The following BCAS4 variants were observed in gnomAD, a reference collection of about 807,000 sequenced individuals.
BCAS4 encodes breast carcinoma-amplified sequence 4.
Under a neutral mutation model 15.7 loss-of-function variants are expected in BCAS4, and 9 were observed. The observed-to-expected ratio is 0.57, with a 90% CI of 0.34 to 1.00. The LOEUF (loss-of-function observed/expected upper bound fraction) is 1.00. BCAS4 is among the 50% of genes least tolerant of loss of function. BCAS4 has a pLI of 0.02. For missense variants in BCAS4, 225 were observed against 239.1 expected (o/e 0.94, Z 0.39); for synonymous variants, 101 against 99.5 (o/e 1.02, Z -0.09).
intron 3 of BCAS4, among the ~76,000 whole-genome samples, chr20:50,834,420 C>G (rs1398354368): frequency 6.6e-6 from 1 of 151,184 alleles, no homozygotes; most frequent in Non-Finnish European, 1.5e-5. Context: ...CTCAGCCTCC[C>G]GAGTAGCTGG....
At chr20:50,872,239 G>A (rs1014268529) in intron 4 of BCAS4, among the ~76,000 whole-genome samples, 1 of 134,212 alleles carries the variant, frequency 7.5e-6, no homozygotes, top group Admixed American at 8.2e-5. Flanking sequence ...ATTCCAGCCT[G>A]GGCAACAGAG....
rs906686348 is a variant in BCAS4, at chr20:50,836,081, C to G, written c.265-5685C>G. Among the ~76,000 whole-genome samples the G allele has an allele frequency of 3.3e-5, 5 of 152,208 alleles. No homozygotes were observed. The East Asian group carries it at 7.7e-4, about 24-fold the overall frequency. ...TACAGGCGCGTGCCACCACACATGG[C>G]TAACTTTTGTAGTTTTAGTAGAGAC... is the stretch of plus-strand genomic sequence containing the variant. On this transcript the variant is annotated intron_variant, in intron 3 of 4. Transcript: ENST00000371608.
At chr20:50,814,161 G>A (rs1235914981) in intron 1 of BCAS4, among the ~76,000 whole-genome samples, 1 of 152,112 alleles carries the variant, frequency 6.6e-6, no homozygotes, top group Admixed American at 6.6e-5. Context: ...TTGCTGACCA[G>A]ACAGTCAGCA....
At chr20:50,814,548 G>T (rs1274779393) in intron 1 of BCAS4, among the ~76,000 whole-genome samples, 1 of 152,214 alleles carries the variant, frequency 6.6e-6, no homozygotes, top group African/African-American at 2.4e-5. Flanking sequence ...GCCTCCCAGC[G>T]TTGGGATTAC....
intron 1 of BCAS4, among the ~76,000 whole-genome samples, chr20:50,813,674 CTTTT>C (rs965295871): frequency 1.2e-5 from 1 of 82,390 alleles, no homozygotes; most frequent in Non-Finnish European, 2.1e-5. Flanking sequence ...GGTGGAGGAC[CTTTT>C]TTTTTTTTTT....
chr20:50,796,787 C>A (rs1252169564), intron 1 of BCAS4, among the ~76,000 whole-genome samples: 1 of 151,634 alleles, frequency 6.6e-6, no homozygotes, highest in Non-Finnish European at 1.5e-5. Flanking sequence ...AGCCACAGCG[C>A]CCAGCCATCT....
chr20:50,833,439 G>A lies in BCAS4; in HGVS notation c.264+3059G>A, dbSNP rs7272410. Among the ~76,000 whole-genome samples, 522 of 152,268 alleles carry A rather than the reference G, an allele frequency of 3.4e-3. 6 individuals are homozygous for A. The highest frequency in any genetic ancestry group is 0.012 in the African/African-American group (502 of 41,540). On this transcript the variant is annotated intron_variant, in intron 3 of 4. Transcript: ENST00000371608. ...CTGACCTGGAAAATTCTTTGTTGTG[G>A]GGCTGTTCTGGGCATTGTAAGTTGC...
At chr20:50,837,790 G>A (rs1486399454) in intron 3 of BCAS4, among the ~76,000 whole-genome samples, 9 of 152,186 alleles carry the variant, frequency 5.9e-5, no homozygotes, top group Admixed American at 1.3e-4. Flanking sequence ...CCTCAGCTTC[G>A]CCTCACACTC....
At chr20:50,876,458 G>A (rs910745885) in intron 4 of BCAS4, 28 bp from the exon 5 acceptor site, 6 of 1,610,162 alleles carry the variant, frequency 3.7e-6, no homozygotes, top group Non-Finnish European at 5.1e-6. Context: ...CCAAATCGCT[G>A]ATAGAGCTTC....
At chr20:50,848,129 GC>G (rs2123816776) in intron 4 of BCAS4, among the ~76,000 whole-genome samples, 1 of 152,202 alleles carries the variant, frequency 6.6e-6, no homozygotes, top group East Asian at 1.9e-4. Flanking sequence ...GGTAGTGCGT[GC>G]CTGTGGTCCC....
At chr20:50,879,437 A>C (rs1980073925), downstream of BCAS4, 1 of 152,428 alleles carries the variant, frequency 6.6e-6, no homozygotes, top group African/African-American at 2.4e-5. Flanking sequence ...GAATCGCTCG[A>C]ATCTGGGAGG....
chr20:50,817,081 G>A (rs1443257108), intron 1 of BCAS4, among the ~76,000 whole-genome samples: 1 of 151,704 alleles, frequency 6.6e-6, no homozygotes, highest in Non-Finnish European at 1.5e-5. Context: ...GATTACAGGC[G>A]TGAGCCAGTG....
chr20:50,822,864 T>G (rs1432313001), intron 2 of BCAS4, among the ~76,000 whole-genome samples: 1 of 150,964 alleles, frequency 6.6e-6, no homozygotes, highest in Non-Finnish European at 1.5e-5. Flanking sequence ...TGACCTCAAG[T>G]GATCCACCCG....
At chr20:50,855,986 G>A (rs1454781610) in intron 4 of BCAS4, among the ~76,000 whole-genome samples, 2 of 152,246 alleles carry the variant, frequency 1.3e-5, no homozygotes, top group Non-Finnish European at 2.9e-5. Context: ...AAGCTGCAGA[G>A]GACAGGCTGG....
At chr20:50,874,540 C>T (rs1979826446) in intron 4 of BCAS4, among the ~76,000 whole-genome samples, 1 of 152,218 alleles carries the variant, frequency 6.6e-6, no homozygotes, top group Non-Finnish European at 1.5e-5. Flanking sequence ...TGTGTCCCCA[C>T]TAAGTGCCAT....
chr20:50,794,975 G>A (rs1471699390), upstream of BCAS4: 22 of 1,242,884 alleles, frequency 1.8e-5, no homozygotes, highest in Non-Finnish European at 2.2e-5. Context: ...CCCCGCCTCC[G>A]CCAGGCGGTC....
intron 1 of BCAS4, among the ~76,000 whole-genome samples, chr20:50,803,613 C>T (rs1227563260): frequency 1.3e-5 from 2 of 151,796 alleles, no homozygotes; most frequent in East Asian, 1.9e-4. Flanking sequence ...GAGGCTGAAG[C>T]GAGAGGATTG....
downstream of BCAS4, chr20:50,881,594 AT>A (rs1980117628): frequency 6.6e-6 from 1 of 152,208 alleles, no homozygotes; most frequent in Non-Finnish European, 1.5e-5. Flanking sequence ...GCCAATAAGT[AT>A]GGAAAAATAC....
Position 50,841,829 on chromosome 20 carries a change from C to A in BCAS4, c.328C>A (p.Arg110=), listed in dbSNP as rs201242829. ...FLEADVLQAE[R]DHGAFPQALR... is the part of the protein sequence containing the mutation. ...GGAAGCAGACGTGCTTCAGGCTGAG[C>A]GGGACCATGGGGCCTTCCCTCAGGC... The change falls in exon 4 of 5, where the codon CGG becomes AGG. Residue 110 remains arginine (R), a synonymous_variant. Transcript: ENST00000371608. 6 of 1,613,464 alleles carry A rather than the reference C, an allele frequency of 3.7e-6. No individual in the cohort carries two copies. The highest frequency in any genetic ancestry group is 3.3e-5 in the South Asian group (3 of 91,032).
Sources: allele counts gnomAD v4.1 joint callset (sites outside exome capture counted in the v4.1 genomes callset), GRCh38; gene constraint gnomAD v4.1.1; transcripts MANE v1.5; gene names NCBI Gene and HGNC (gene_info 2026-07-23, HGNC 2026-07-21).